The following LARS1 variants were observed in gnomAD, a reference collection of about 807,000 sequenced individuals.
The protein encoded by LARS1 is leucyl-tRNA synthetase 1.
In LARS1, 100 loss-of-function variants were observed where a neutral mutation model predicts 162.8. That is an observed-to-expected ratio of 0.61 (90% CI 0.52 to 0.73). The LOEUF is 0.73. LARS1 is among the 30% of genes least tolerant of loss of function. LARS1 has a pLI of 0.00. For missense variants in LARS1, 1,258 were observed against 1,408.9 expected, an observed-to-expected ratio of 0.89 and a Z score of 1.71; for synonymous variants, 457 against 462.8, an observed-to-expected ratio of 0.99 and a Z score of 0.16.
rs1282494918 is a variant in LARS1 at position 146,142,887 on chromosome 5, A to G, written c.2075T>C (p.Met692Thr). 2.5e-6 allele frequency: 4 copies of G among 1,613,734 alleles called. No homozygotes were observed. Among genetic ancestry groups the G allele is most frequent in the Non-Finnish European group, 3.4e-6 (4 of 1,179,726 alleles). ...TATCATTCACCTTTGTTCCGGCCAC[A>G]TAGCCACATGATTATAAAGGTAATA... ...LSYYLYNHVA[M>T]WPEQSDKWPT... Residue 692 changes from methionine to threonine, a missense_variant, in exon 20 of 32, where the codon ATG becomes ACG. Met to Thr is a moderately conservative substitution (Grantham distance 81). Transcript: ENST00000394434.
intron 31 of LARS1, among the ~76,000 whole-genome samples, chr5:146,118,241 T>C (rs570574555): frequency 6.6e-6 from 1 of 152,310 alleles, no homozygotes; most frequent in South Asian, 2.1e-4. Flanking sequence ...AGACATTATA[T>C]TAAGTGAAAT....
intron 6 of LARS1, among the ~76,000 whole-genome samples, chr5:146,161,565 C>T (rs529650266): frequency 6.6e-6 from 1 of 152,108 alleles, no homozygotes; most frequent in Non-Finnish European, 1.5e-5. Flanking sequence ...CCCGTCTCTA[C>T]TAAAACAAAC....
intron 15 of LARS1, among the ~76,000 whole-genome samples, chr5:146,146,378 G>A (rs530961588): frequency 5.4e-5 from 8 of 146,894 alleles, no homozygotes; most frequent in African/African-American, 9.9e-5. Flanking sequence ...GAGAGAGAGA[G>A]ATAAGGTGAG....
chr5:146,157,654 G>A (rs760339633), intron 9 of LARS1, 26 bp from the exon 10 acceptor site: 5 of 1,612,132 alleles, frequency 3.1e-6, no homozygotes, highest in East Asian at 4.5e-5. Context: ...AAATATTGAT[G>A]TAAAAACATG....
At chr5:146,149,293 G>C (rs11948314) in intron 15 of LARS1, among the ~76,000 whole-genome samples, 1 of 151,974 alleles carries the variant, frequency 6.6e-6, no homozygotes, top group Non-Finnish European at 1.5e-5. Flanking sequence ...AGTTATAACA[G>C]AAACGGAGGG....
rs566010446 is a variant in LARS1 at position 146,158,326 on chromosome 5, A to G, written c.772-531T>C. Among the ~76,000 whole-genome samples, 3 of 152,352 alleles carry G rather than the reference A, an allele frequency of 2.0e-5. No individual in the cohort carries two copies. In the East Asian group the frequency reaches 5.8e-4, roughly 29 times the overall value. ...CTAGGATATTGCTGCCATTGGCTAT[A>G]TTAAAACTTTACTGGGTCTTAAGTC... is the stretch of plus-strand genomic sequence containing the variant. On this transcript the variant is annotated intron_variant, in intron 8 of 31. Transcript: ENST00000394434.
chr5:146,173,395 T>C (rs1336079553), intron 2 of LARS1, among the ~76,000 whole-genome samples: 1 of 151,852 alleles, frequency 6.6e-6, no homozygotes, highest in Non-Finnish European at 1.5e-5. Context: ...CTAGGCTAAT[T>C]TAATATTTTA....
chr5:146,154,106 G>A (rs745757365), intron 10 of LARS1, 126 bp from the exon 11 acceptor site: 49 of 659,964 alleles, frequency 7.4e-5, no homozygotes, highest in Admixed American at 1.2e-4. Flanking sequence ...AAATTCAAGA[G>A]CTATATTGTA....
chr5:146,130,899 C>A, intron 24 of LARS1, 120 bp downstream of exon 24: 1 of 487,794 alleles, frequency 2.1e-6, no homozygotes. Flanking sequence ...ATTTTTCTGG[C>A]AGGATTTTCA....
At chr5:146,120,613 T>A in intron 30 of LARS1, 110 bp from the exon 31 acceptor site, 1 of 1,107,440 alleles carries the variant, frequency 9.0e-7, no homozygotes, top group Non-Finnish European at 1.3e-6. Flanking sequence ...TCTGGTATTT[T>A]AAAATCATGA....
intron 1 of LARS1, among the ~76,000 whole-genome samples, chr5:146,181,782 C>A (rs536760109): frequency 1.3e-5 from 2 of 149,290 alleles, no homozygotes; most frequent in African/African-American, 4.9e-5. Context: ...TGTATTTTAC[C>A]CACACACATA....
At chr5:146,154,573 T>C (rs549151293) in intron 10 of LARS1, among the ~76,000 whole-genome samples, 1 of 152,134 alleles carries the variant, frequency 6.6e-6, no homozygotes, top group South Asian at 2.1e-4. Context: ...AGCTTAGGAG[T>C]TCGCGACCAG....
rs373591577 is a variant in LARS1, at chr5:146,144,466, T to C, written c.1655+6A>G. On this transcript the variant is annotated splice_donor_region_variant and intron_variant, in intron 17 of 31. Coordinates refer to ENST00000394434, the MANE Select transcript of LARS1 (RefSeq NM_020117.11). ...TTTCCTCCTTCATCACTTTCTCCCA[T>C]CTTACGTTTCCAGGTTCTTCAAGCA... 1.3e-4 allele frequency: 214 copies of C among 1,611,586 alleles called. No homozygotes were observed. The highest frequency in any genetic ancestry group is 1.7e-4 in the Non-Finnish European group (197 of 1,179,256).
At chr5:146,176,506 T>TA (rs1251441676) in intron 2 of LARS1, among the ~76,000 whole-genome samples, 1 of 151,048 alleles carries the variant, frequency 6.6e-6, no homozygotes, top group Non-Finnish European at 1.5e-5. Flanking sequence ...AGTATACATG[T>TA]AAAAAAATTT....
intron 18 of LARS1, 119 bp from the exon 19 acceptor site, chr5:146,143,669 A>G (rs1167823475): frequency 3.4e-6 from 3 of 883,784 alleles, no homozygotes; most frequent in Non-Finnish European, 1.7e-6. Flanking sequence ...CTCTTAAATT[A>G]TTCTTGAATA....
chr5:146,181,530 T>C (rs1004912428), intron 1 of LARS1, among the ~76,000 whole-genome samples: 18 of 152,000 alleles, frequency 1.2e-4, no homozygotes, highest in African/African-American at 4.3e-4. Context: ...GGAGCACGCT[T>C]GCAGTACCAG....
Position 146,131,023 on chromosome 5 carries a change from A to C in LARS1, c.2483T>G (p.Phe828Cys). The C allele has an allele frequency of 3.8e-6, 6 of 1,565,516 alleles. No individual in the cohort carries two copies. The East Asian group carries it at 1.4e-4, about 35-fold the overall frequency. ...CCAAAAGAATCAACAGCCTACCTGA[A>C]ACTCAAAAAACCCTGTTTTCAAAGC... ...KEALKTGFFE[F>C]QAAKDKYREL... Residue 828 changes from phenylalanine (F) to cysteine (C), a missense_variant, in exon 24 of 32, where the codon TTT becomes TGT. Phe to Cys is a radical substitution (Grantham distance 205). Coordinates refer to ENST00000394434, the MANE Select transcript of LARS1 (RefSeq NM_020117.11).
rs1752138785 is a variant in LARS1, at chr5:146,128,593, T to C, written c.2880+79A>G. 4 of 851,130 alleles carry C rather than the reference T, an allele frequency of 4.7e-6. No individual in the cohort carries two copies. In the South Asian group the frequency reaches 8.7e-5, roughly 19 times the overall value. The allele number at this position is 851,130 out of a possible 1,614,324, so 52.7% of individuals were successfully genotyped here. On this transcript the variant is annotated intron_variant, in intron 27 of 31. Coordinates refer to ENST00000394434, the MANE Select transcript of LARS1 (RefSeq NM_020117.11). ...CTGCCTATCTTTCTTCTCCCAGACA[T>C]TGCCAACATCCTAAAAACAAAAACA...
chr5:146,138,904 G>T, intron 21 of LARS1: 1 of 303,728 alleles, frequency 3.3e-6, no homozygotes, highest in Non-Finnish European at 6.7e-6. Context: ...GGTAACTCAG[G>T]CCCACGGGAA....
Sources: allele counts gnomAD v4.1 joint callset (sites outside exome capture counted in the v4.1 genomes callset), GRCh38; gene constraint gnomAD v4.1.1; transcripts MANE v1.5; gene names NCBI Gene and HGNC (gene_info 2026-07-23, HGNC 2026-07-21).